DESI2: variants seen among roughly 807,000 people sequenced by gnomAD.
DESI2 encodes deubiquitinase DESI2.
In DESI2, 10 loss-of-function variants were observed where a neutral mutation model predicts 24.1. The observed-to-expected ratio is 0.41, with a 90% CI of 0.26 to 0.70. The LOEUF (loss-of-function observed/expected upper bound fraction) is 0.70, where lower values mean the gene tolerates loss of function less well. Ranked by LOEUF, DESI2 falls within the 30% of genes least tolerant of loss-of-function variation. DESI2 has a pLI of 0.29. For missense variants in DESI2, 122 were observed against 234.9 expected, an observed-to-expected ratio of 0.52 and a Z score of 3.14; for synonymous variants, 71 against 87.7, an observed-to-expected ratio of 0.81 and a Z score of 1.06.
At chr1:244,657,942 GGT>G (rs1675704648) in intron 1 of DESI2, among the ~76,000 whole-genome samples, 1 of 152,156 alleles carries the variant, frequency 6.6e-6, no homozygotes, top group Non-Finnish European at 1.5e-5. Flanking sequence ...GTGGATATCT[GGT>G]GTTTCTAACC....
chr1:244,694,417 A>T, intron 4 of DESI2: 1 of 716,528 alleles, frequency 1.4e-6, no homozygotes, highest in Non-Finnish European at 2.6e-6. Flanking sequence ...TGCATTACTC[A>T]TCGTTGAAAT....
intron 1 of DESI2, among the ~76,000 whole-genome samples, chr1:244,682,599 T>C (rs1380142323): frequency 2.6e-5 from 4 of 152,222 alleles, no homozygotes; most frequent in Non-Finnish European, 5.9e-5. Context: ...TATTTGCATA[T>C]GACAGGGATC....
chr1:244,686,815 T>C (rs1429965663), intron 2 of DESI2, 146 bp downstream of exon 2: 1 of 536,172 alleles, frequency 1.9e-6, no homozygotes, highest in African/African-American at 1.9e-5. Context: ...TATTCATTTA[T>C]ACTGCGTTTT....
At chr1:244,668,791 T>A (rs1325306802) in intron 1 of DESI2, among the ~76,000 whole-genome samples, 1 of 152,154 alleles carries the variant, frequency 6.6e-6, no homozygotes, top group Non-Finnish European at 1.5e-5. Context: ...TATAGCACAA[T>A]CAATTCGTTT....
At chr1:244,698,427 G>A (rs1017511151) in intron 4 of DESI2, among the ~76,000 whole-genome samples, 1 of 152,236 alleles carries the variant, frequency 6.6e-6, no homozygotes, top group Non-Finnish European at 1.5e-5. Flanking sequence ...AGAGGCTGGT[G>A]ATTTTCTAGC....
intron 1 of DESI2, among the ~76,000 whole-genome samples, chr1:244,676,814 T>A (rs112095794): frequency 4.7e-5 from 7 of 147,442 alleles, no homozygotes; most frequent in South Asian, 4.2e-4. Flanking sequence ...TATATATATT[T>A]TATATATATA....
chr1:244,682,016 T>G (rs1676631265), intron 1 of DESI2, among the ~76,000 whole-genome samples: 1 of 152,196 alleles, frequency 6.6e-6, no homozygotes. Flanking sequence ...TTCCTTCCAG[T>G]GGGTTCGTGG....
intron 3 of DESI2, among the ~76,000 whole-genome samples, chr1:244,691,171 C>T (rs1414253548): frequency 6.6e-6 from 1 of 152,136 alleles, no homozygotes; most frequent in East Asian, 1.9e-4. Flanking sequence ...TCACTGCAAC[C>T]TCTGCCTCCT....
At chr1:244,653,814 G>T in intron 1 of DESI2, 1 of 391,624 alleles carries the variant, frequency 2.6e-6, no homozygotes. Context: ...AAACTCCCAA[G>T]CCCCTCTAAG....
chr1:244,685,595 A>G (rs919526754), intron 1 of DESI2, among the ~76,000 whole-genome samples: 3 of 152,180 alleles, frequency 2.0e-5, no homozygotes, highest in Non-Finnish European at 4.4e-5. Flanking sequence ...TTAGAAAAAA[A>G]CACAACTGAC....
intron 1 of DESI2, among the ~76,000 whole-genome samples, chr1:244,670,438 C>T (rs945140384): frequency 2.0e-5 from 3 of 152,170 alleles, no homozygotes; most frequent in African/African-American, 7.2e-5. Context: ...TACAATCTTC[C>T]CCAATATGTA....
At chr1:244,673,004 T>C (rs544141987) in intron 1 of DESI2, among the ~76,000 whole-genome samples, 4 of 152,286 alleles carry the variant, frequency 2.6e-5, no homozygotes, top group African/African-American at 7.2e-5. Flanking sequence ...AGTTCTCATA[T>C]GCTTTTTTGT....
intron 1 of DESI2, among the ~76,000 whole-genome samples, chr1:244,685,367 A>G (rs1166780809): frequency 1.3e-5 from 2 of 152,190 alleles, no homozygotes; most frequent in Non-Finnish European, 1.5e-5. Context: ...ATACTTTGTC[A>G]TTAATTTTAA....
intron 1 of DESI2, among the ~76,000 whole-genome samples, chr1:244,683,844 G>A (rs1253602753): frequency 6.6e-6 from 1 of 150,988 alleles, no homozygotes; most frequent in Non-Finnish European, 1.5e-5. Context: ...AGCCTCCCAA[G>A]TAGCTAGGAC....
intron 1 of DESI2, among the ~76,000 whole-genome samples, chr1:244,675,656 G>A (rs936210742): frequency 4.6e-5 from 7 of 152,170 alleles, no homozygotes; most frequent in African/African-American, 9.7e-5. Flanking sequence ...CTTTATGCCA[G>A]TAATACACTG....
In DESI2 at chr1:244,691,771, T is replaced by G. The variant is rs12082468; in HGVS notation, c.210-108T>G. On this transcript the variant is annotated intron_variant, in intron 3 of 4. Transcript: ENST00000302550. ...TATTAACCCTGATTTGTTATGTCGA[T>G]CATAATATTCCTGGAAATAAGCAAG... 4,650 of 859,612 alleles carry G rather than the reference T, an allele frequency of 5.4e-3. 155 individuals carry two copies. The African/African-American group carries it at 0.069, about 13-fold the overall frequency. The allele number at this position is 859,612 out of a possible 1,614,324, so 53.2% of individuals were successfully genotyped here.
At position 244,689,950 on chromosome 1, in the gene DESI2, A is replaced by G. The variant is rs968888002; in HGVS notation, c.209+608A>G. Among the ~76,000 whole-genome samples, 5 of 152,236 alleles carry G rather than the reference A, an allele frequency of 3.3e-5. No homozygotes were observed. Among genetic ancestry groups the G allele is most frequent in the Non-Finnish European group, 5.9e-5 (4 of 68,040 alleles). On this transcript the variant is annotated intron_variant, in intron 3 of 4. Transcript: ENST00000302550. The surrounding 1 kb of genome is among the most constrained non-coding windows in gnomAD (Gnocchi z 4.0). ...ACACTTTACACGTTTGAAATAATTA[A>G]ACAGTTGATTAGCGTAGAATCCATT... is the stretch of plus-strand genomic sequence containing the variant.
intron 1 of DESI2, among the ~76,000 whole-genome samples, chr1:244,684,076 A>G (rs779675605): frequency 1.6e-4 from 25 of 152,118 alleles, no homozygotes; most frequent in African/African-American, 2.7e-4. Flanking sequence ...CTAGGACCCT[A>G]TAAATGAACA....
intron 4 of DESI2, among the ~76,000 whole-genome samples, chr1:244,697,476 CA>C (rs60674613): frequency 0.39 from 46,783 of 118,894 alleles, 7,566 homozygotes; most frequent in Middle Eastern, 0.53. Flanking sequence ...GCCTCTGTCT[CA>C]AAAAAAAAAA....
Sources: gnomAD v4.1 joint callset for allele counts (sites outside exome capture counted in the v4.1 genomes callset) on GRCh38, gnomAD v4.1.1 for gene constraint, Gnocchi (gnomAD v3.1) non-coding constraint, MANE v1.5 for transcripts, NCBI Gene and HGNC (gene_info 2026-07-23, HGNC 2026-07-21) for gene names.